GAD1: variants seen among roughly 807,000 people sequenced by gnomAD.
GAD1 encodes the protein glutamate decarboxylase 1.
Under a neutral mutation model 75.2 loss-of-function variants are expected in GAD1, and 35 were observed. The observed-to-expected ratio is 0.47, with a 90% confidence interval of 0.36 to 0.62. GAD1 has a LOEUF of 0.62. Among genes scored for constraint, GAD1 ranks in the 20% least tolerant of loss-of-function variants. The pLI is 0.00. For synonymous variants in GAD1, 257 were observed against 271.9 expected (o/e 0.95, Z 0.54); for missense variants, 490 against 758.5 (o/e 0.65, Z 4.16).
intron 4 of GAD1, 113 bp downstream of exon 4, chr2:170,829,746 GA>G: frequency 8.3e-7 from 1 of 1,205,194 alleles, no homozygotes; most frequent in Non-Finnish European, 1.2e-6. Flanking sequence ...TATTCTCTCT[GA>G]ACCCACATGA....
chr2:170,828,293 A>AC (rs1559271974), intron 3 of GAD1, among the ~76,000 whole-genome samples: 1 of 50,088 alleles, frequency 2.0e-5, no homozygotes, highest in Non-Finnish European at 3.8e-5. Context: ...TGCTGTCCTC[A>AC]CCCTCCTCCC....
chr2:170,832,966 A>ATT (rs1186489965), intron 5 of GAD1, among the ~76,000 whole-genome samples: 4 of 151,772 alleles, frequency 2.6e-5, no homozygotes, highest in African/African-American at 9.7e-5. Flanking sequence ...TCTCCCTATA[A>ATT]CTCTCTCCAC....
intron 3 of GAD1, 24 bp downstream of exon 3, chr2:170,822,173 C>A (rs748328714): frequency 8.7e-6 from 14 of 1,608,248 alleles, no homozygotes; most frequent in Non-Finnish European, 1.0e-5. Context: ...CCCACTGGGG[C>A]CCGGCTGGGT....
intron 6 of GAD1, among the ~76,000 whole-genome samples, chr2:170,839,843 G>A (rs902982758): frequency 6.6e-6 from 1 of 152,120 alleles, no homozygotes; most frequent in Admixed American, 6.5e-5. Context: ...ACATCTAATG[G>A]CAATACATAA....
Position 170,818,373 on chromosome 2 carries a change from T to G in GAD1, c.-63-156T>G. The G allele has an allele frequency of 1.7e-6, 1 of 588,876 alleles. No homozygotes were observed. The highest frequency in any genetic ancestry group is 1.9e-5 in the South Asian group (1 of 51,672). The allele number at this position is 588,876 out of a possible 1,614,324, so 36.5% of individuals were successfully genotyped here. On this transcript the variant is annotated intron_variant, in intron 1 of 16. Transcript: ENST00000358196. The surrounding 1 kb of genome is among the most constrained non-coding windows in gnomAD (Gnocchi z 5.9). Reference sequence around the variant, plus strand: ...ACGTCTCCTCCGCTGCCCCCACCCCTGCGCACCCCTACCAGGCAGGCTCGC... The same window carrying G: ...ACGTCTCCTCCGCTGCCCCCACCCCGGCGCACCCCTACCAGGCAGGCTCGC...
intron 4 of GAD1, among the ~76,000 whole-genome samples, chr2:170,830,259 T>C (rs1280746986): frequency 3.3e-5 from 5 of 151,962 alleles, no homozygotes; most frequent in Non-Finnish European, 5.9e-5. Context: ...TCACAGAGAG[T>C]ATCGTGCACA....
At chr2:170,817,225 ACC>A (rs3049870) in intron 1 of GAD1, 177 bp downstream of exon 1, 388 of 15,488 alleles carry the variant, frequency 0.025, 31 homozygotes, top group Non-Finnish European at 0.029. Flanking sequence ...CTGCGCAGGG[ACC>A]CCCCCCCCCC....
At chr2:170,850,665 A>G (rs1040910959) in intron 12 of GAD1, among the ~76,000 whole-genome samples, 1 of 152,220 alleles carries the variant, frequency 6.6e-6, no homozygotes, top group Non-Finnish European at 1.5e-5. Flanking sequence ...TTGAAAGACC[A>G]GTGTCAACGT....
At chr2:170,814,357 G>A (rs1701659704), upstream of GAD1, among the ~76,000 whole-genome samples, 2 of 152,202 alleles carry the variant, frequency 1.3e-5, no homozygotes, top group African/African-American at 4.8e-5. Flanking sequence ...AGAAGGACGG[G>A]CGCTGTCCTT....
At chr2:170,847,103 C>T (rs1702649334) in intron 10 of GAD1, among the ~76,000 whole-genome samples, 1 of 152,208 alleles carries the variant, frequency 6.6e-6, no homozygotes. Flanking sequence ...CAACATTTAA[C>T]CACGTCCACT....
At chr2:170,833,152 GA>G (rs1702285165) in intron 5 of GAD1, among the ~76,000 whole-genome samples, 1 of 152,210 alleles carries the variant, frequency 6.6e-6, no homozygotes, top group Admixed American at 6.5e-5. Flanking sequence ...GTCATTTGAA[GA>G]TAGATTTAAG....
Position 170,822,168 on chromosome 2 carries a change from TG to T in GAD1, c.145+23del. 6.2e-7 allele frequency: 1 copy of T among 1,610,194 alleles called. No homozygotes were observed. Among genetic ancestry groups the T allele is most frequent in the South Asian group, 1.1e-5 (1 of 90,432 alleles). On this transcript the variant is annotated intron_variant, in intron 3 of 16. Transcript: ENST00000358196. ...ATCTGCGGTAAGTGACAGGACCCAC[TG>T]GGGCCCGGCTGGGTGGCGCGGCGGG...
chr2:170,818,687 C>T lies in GAD1; in HGVS notation c.82+14C>T. On this transcript the variant is annotated intron_variant, in intron 2 of 16. Coordinates refer to ENST00000358196, the MANE Select transcript of GAD1 (RefSeq NM_000817.3). The surrounding 1 kb of genome is among the most constrained non-coding windows in gnomAD (Gnocchi z 5.9). ...TGCGCCCCACAAGTAGGTCCCGCCC[C>T]AATTTTCTATCAAATGAACTGCAGG... 6.2e-7 allele frequency: 1 copy of T among 1,613,408 alleles called. No individual in the cohort carries two copies.
At position 170,845,565 on chromosome 2, in the gene GAD1, G is replaced by C; in HGVS notation, c.811G>C (p.Val271Leu). The C allele has an allele frequency of 6.2e-7, 1 of 1,614,186 alleles. No individual in the cohort carries two copies. Among genetic ancestry groups the C allele is most frequent in the Non-Finnish European group, 8.5e-7 (1 of 1,180,034 alleles). The change falls in exon 8 of 17, where the codon GTT (valine) becomes CTT (leucine). Residue 271 changes from valine (V) to leucine (L), a missense_variant. Coordinates refer to ENST00000358196, the MANE Select transcript of GAD1 (RefSeq NM_000817.3). ...MAARYKYFPE[V>L]KTKGMAAVPK... Reference sequence around the variant, plus strand: ...TGCTCGCTACAAGTACTTCCCGGAAGTTAAGACAAAGGGCATGGCGGCTGT... The same window carrying C: ...TGCTCGCTACAAGTACTTCCCGGAACTTAAGACAAAGGGCATGGCGGCTGT...
chr2:170,828,409 T>G (rs544562825), intron 3 of GAD1, among the ~76,000 whole-genome samples: 39 of 131,448 alleles, frequency 3.0e-4, no homozygotes, highest in African/African-American at 1.0e-3. Context: ...GTCCCCACCC[T>G]CCTCCCTCTG....
chr2:170,850,605 C>T (rs535579641), intron 12 of GAD1, among the ~76,000 whole-genome samples: 2 of 152,202 alleles, frequency 1.3e-5, no homozygotes, highest in Non-Finnish European at 2.9e-5. Context: ...ACAGCCAGGA[C>T]TCTGGCTTTT....
intron 3 of GAD1, among the ~76,000 whole-genome samples, chr2:170,828,779 C>T (rs1158385534): frequency 5.1e-4 from 76 of 148,068 alleles, no homozygotes; most frequent in African/African-American, 1.8e-3. Context: ...GCTGTCCTCA[C>T]CCTCCTCCCT....
chr2:170,842,699 A>G lies in GAD1; in HGVS notation c.639-1346A>G, dbSNP rs1349657981. On this transcript the variant is annotated intron_variant, in intron 6 of 16. Coordinates refer to ENST00000358196, the MANE Select transcript of GAD1 (RefSeq NM_000817.3). ...CCAAGGGTCTTCCTCCTAAATTTCC[A>G]GGGGCCTCCCAAGGAAAATGGACAT... is the stretch of plus-strand genomic sequence containing the variant. 6 of 1,611,328 alleles carry G rather than the reference A, an allele frequency of 3.7e-6. No individual in the cohort carries two copies. In the East Asian group the frequency reaches 1.1e-4, roughly 30 times the overall value.
chr2:170,829,165 G>A (rs1478143277), intron 3 of GAD1: 1 of 420,960 alleles, frequency 2.4e-6, no homozygotes, highest in African/African-American at 2.0e-5. Context: ...CCTGGGGCTG[G>A]TCACTGGAGT....
Sources: gnomAD v4.1 joint callset for allele counts (sites outside exome capture counted in the v4.1 genomes callset) on GRCh38, gnomAD v4.1.1 for gene constraint, Gnocchi (gnomAD v3.1) non-coding constraint, MANE v1.5 for transcripts, NCBI Gene and HGNC (gene_info 2026-07-23, HGNC 2026-07-21) for gene names.